GSE1: variants seen among roughly 807,000 people sequenced by gnomAD.
The protein encoded by GSE1 is Gse1 coiled-coil protein, also known as genetic suppressor element 1.
In GSE1, 32 loss-of-function variants were observed where a neutral mutation model predicts 112.6. The observed-to-expected ratio is 0.28, with a 90% confidence interval of 0.21 to 0.38. GSE1 has a LOEUF of 0.38. Ranked by LOEUF, GSE1 falls within the 10% of genes least tolerant of loss-of-function variation. The pLI is 1.00. For missense variants in GSE1, 2,348 were observed against 1,699.2 expected, an observed-to-expected ratio of 1.38 and a Z score of -6.71; for synonymous variants, 1,115 against 735.6, an observed-to-expected ratio of 1.52 and a Z score of -8.35.
chr16:85,221,310 GCGCA>G (rs2075387531), intron 1 of GSE1, among the ~76,000 whole-genome samples: 1 of 136,384 alleles, frequency 7.3e-6, no homozygotes. Flanking sequence ...CTTCCCTAGC[GCGCA>G]CACACACACA....
upstream of GSE1, chr16:85,555,354 AG>A: frequency 1.0e-6 from 1 of 976,934 alleles, no homozygotes; most frequent in Non-Finnish European, 1.2e-6. Flanking sequence ...CCTCTCTCTG[AG>A]TCAGTGGTGG....
chr16:85,626,583 C>T (rs972912456), intron 1 of GSE1, among the ~76,000 whole-genome samples: 2 of 152,198 alleles, frequency 1.3e-5, no homozygotes, highest in Non-Finnish European at 2.9e-5. Flanking sequence ...CTGCTGGGCC[C>T]AGCCTCACGG....
At chr16:85,194,123 C>G (rs2074881694) in intron 1 of GSE1, among the ~76,000 whole-genome samples, 1 of 152,220 alleles carries the variant, frequency 6.6e-6, no homozygotes, top group South Asian at 2.1e-4. Context: ...CAGAGCTTCA[C>G]TCTGACTCCA....
At chr16:85,212,775 G>T (rs977967171) in intron 1 of GSE1, among the ~76,000 whole-genome samples, 4 of 152,240 alleles carry the variant, frequency 2.6e-5, no homozygotes, top group Non-Finnish European at 4.4e-5. Flanking sequence ...AAGATGGCCA[G>T]CTGTGTAGGA....
intron 2 of GSE1, among the ~76,000 whole-genome samples, chr16:85,460,868 C>T (rs1015533865): frequency 4.6e-5 from 7 of 152,174 alleles, no homozygotes; most frequent in African/African-American, 7.2e-5. Context: ...CCCAGGGGAC[C>T]GTGAGAGTGG....
intron 7 of GSE1, 150 bp from the exon 8 acceptor site, chr16:85,657,127 A>C: frequency 1.8e-6 from 1 of 553,888 alleles, no homozygotes; most frequent in Non-Finnish European, 3.1e-6. Context: ...AAGCTCCCGT[A>C]GGGCCCCTTC....
At chr16:85,254,881 A>G (rs1303801093) in intron 1 of GSE1, among the ~76,000 whole-genome samples, 1 of 152,212 alleles carries the variant, frequency 6.6e-6, no homozygotes, top group Non-Finnish European at 1.5e-5. Flanking sequence ...ATGTGTGCCC[A>G]GGTCCCAGTG....
rs557363851 is a variant in GSE1 at position 85,402,660 on chromosome 16, A to ACCTGTAAT, written c.2464+45021_2464+45028dup. ...CCCAAGGCCAGGCATGGTGGCTCAC[A>ACCTGTAAT]CCTGTAATCCTAGCATTTCAGGAGG... is the stretch of plus-strand genomic sequence containing the variant. On this transcript the variant is annotated intron_variant, in intron 2 of 2. Coordinates refer to the GSE1 transcript ENST00000637419. 3.2e-3 allele frequency among the ~76,000 whole-genome samples: 487 copies of ACCTGTAAT among 152,238 alleles called. 3 individuals carry two copies. Among genetic ancestry groups the ACCTGTAAT allele is most frequent in the African/African-American group, 0.011 (446 of 41,554 alleles).
chr16:85,656,697 A>T (rs1567738265), intron 7 of GSE1, 32 bp downstream of exon 7: 1 of 1,464,744 alleles, frequency 6.8e-7, no homozygotes, highest in East Asian at 2.5e-5. Flanking sequence ...GTGCTGGGCA[A>T]GGTCTCAGCC....
At chr16:85,551,298 G>A (rs1056835173), upstream of GSE1, among the ~76,000 whole-genome samples, 3 of 152,168 alleles carry the variant, frequency 2.0e-5, no homozygotes, top group East Asian at 1.9e-4. Context: ...TACGAAGAGC[G>A]CTGCCCTTCT....
At chr16:85,220,209 A>G (rs12928372) in intron 1 of GSE1, among the ~76,000 whole-genome samples, 1 of 152,100 alleles carries the variant, frequency 6.6e-6, no homozygotes, top group East Asian at 1.9e-4. Context: ...TGGGATTTCA[A>G]GAGCTCTTCC....
chr16:85,385,966 T>C (rs4782700), intron 2 of GSE1, among the ~76,000 whole-genome samples: 146,342 of 152,258 alleles, frequency 0.96, 70,603 homozygotes, highest in East Asian at 1. Flanking sequence ...TGGGGAGGGG[T>C]GGGCAGGGAG....
Position 85,311,990 on chromosome 16 carries a change from G to A in GSE1, c.2284-45473G>A, listed in dbSNP as rs905372202. Among the ~76,000 whole-genome samples, 1 of 152,184 alleles carries A rather than the reference G, an allele frequency of 6.6e-6. No individual in the cohort carries two copies. Among genetic ancestry groups the A allele is most frequent in the Non-Finnish European group, 1.5e-5 (1 of 68,030 alleles). ...ATGTCTGGAGATGTGGGCGGTGTCC[G>A]TGCACACTGCTGGAGCAGCTGGGCC... On this transcript the variant is annotated intron_variant, in intron 1 of 2. Coordinates refer to the GSE1 transcript ENST00000637419. The surrounding 1 kb of genome is among the most constrained non-coding windows in gnomAD (Gnocchi z 4.2).
At chr16:85,397,361 C>T (rs535058425) in intron 2 of GSE1, among the ~76,000 whole-genome samples, 1 of 152,362 alleles carries the variant, frequency 6.6e-6, no homozygotes, top group African/African-American at 2.4e-5. Flanking sequence ...TGTCTACTCG[C>T]TGATGCAGGT....
At chr16:85,299,008 C>T (rs150331396) in intron 1 of GSE1, among the ~76,000 whole-genome samples, 3 of 152,292 alleles carry the variant, frequency 2.0e-5, no homozygotes, top group African/African-American at 7.2e-5. Context: ...TGTCCGTCCT[C>T]GCTGCTGGAG....
chr16:85,617,066 C>T (rs562011789), intron 1 of GSE1, among the ~76,000 whole-genome samples: 1 of 152,338 alleles, frequency 6.6e-6, no homozygotes, highest in South Asian at 2.1e-4. Flanking sequence ...GCCACTCCTG[C>T]GTTTGGCCAC....
At chr16:85,586,674 T>A (rs1339003955) in intron 1 of GSE1, among the ~76,000 whole-genome samples, 1 of 152,076 alleles carries the variant, frequency 6.6e-6, no homozygotes, top group African/African-American at 2.4e-5. Flanking sequence ...TGGCTTCCCA[T>A]GTGGAAAGTA....
In GSE1 at chr16:85,663,454, G is replaced by T; in HGVS notation, c.2484G>T (p.Ser828=). ...RRRMLRERSP[S]PPTIQSKRQT... is the part of the protein sequence containing the mutation. The stretch of plus-strand genomic sequence containing the variant: ...GGATGCTGCGAGAGAGAAGCCCGTC[G>T]CCCCCAACAATTCAGAGCAAGCGGC... Residue 828 remains serine (S), a synonymous_variant, in exon 11 of 16, where the codon TCG becomes TCT. Coordinates refer to ENST00000253458, the MANE Select transcript of GSE1 (RefSeq NM_014615.5). 1 of 1,613,812 alleles carries T rather than the reference G, an allele frequency of 6.2e-7. No individual in the cohort carries two copies. Among genetic ancestry groups the T allele is most frequent in the East Asian group, 2.2e-5 (1 of 44,888 alleles).
At position 85,655,851 on chromosome 16, in the gene GSE1, C is replaced by T; in HGVS notation, c.923C>T (p.Pro308Leu). 1 of 1,610,020 alleles carries T rather than the reference C, an allele frequency of 6.2e-7. No individual in the cohort carries two copies. The highest frequency in any genetic ancestry group is 8.5e-7 in the Non-Finnish European group (1 of 1,179,912). The change falls in exon 6 of 16, where the codon CCC becomes CTC. Residue 308 changes from proline to leucine, a missense_variant. By Grantham distance (98) the Pro-to-Leu change is moderately conservative (BLOSUM62 -3). Transcript: ENST00000253458. ...HLHLSGVRYP[P>L]ELSHSSLAAL... ...CACCTCTCTGGGGTCCGCTACCCTC[C>T]CGAGCTCTCCCACTCATCCCTGGCA...
Sources: gnomAD v4.1 joint callset for allele counts (sites outside exome capture counted in the v4.1 genomes callset) on GRCh38, gnomAD v4.1.1 for gene constraint, Gnocchi (gnomAD v3.1) non-coding constraint, MANE v1.5 for transcripts, NCBI Gene and HGNC (gene_info 2026-07-23, HGNC 2026-07-21) for gene names.